Variants in SERPINB8 observed in about 807,000 individuals in gnomAD.
SERPINB8 encodes the protein serpin B8.
Under a neutral mutation model 35.3 loss-of-function variants are expected in SERPINB8, and 25 were observed. That is an observed-to-expected ratio of 0.71 (90% confidence interval 0.52 to 0.99). SERPINB8 has a LOEUF of 0.99. SERPINB8 is among the 50% of genes least tolerant of loss of function. The pLI, the probability that SERPINB8 is intolerant of heterozygous loss-of-function variation, is 0.00. For missense variants in SERPINB8, 484 were observed against 446.5 expected, an observed-to-expected ratio of 1.08 and a Z score of -0.76; for synonymous variants, 186 against 160.8, an observed-to-expected ratio of 1.16 and a Z score of -1.19.
At chr18:63,992,171 A>G (rs529015307), downstream of SERPINB8, among the ~76,000 whole-genome samples, 6 of 152,306 alleles carry the variant, frequency 3.9e-5, no homozygotes, top group Middle Eastern at 3.4e-3. Context: ...AAACATACCT[A>G]CCTTTGCAAT....
At chr18:63,976,117 T>C (rs2050577868) in intron 1 of SERPINB8, among the ~76,000 whole-genome samples, 1 of 152,260 alleles carries the variant, frequency 6.6e-6, no homozygotes, top group Admixed American at 6.5e-5. Flanking sequence ...TGACTACATT[T>C]TTCAGTTAAA....
downstream of SERPINB8, among the ~76,000 whole-genome samples, chr18:63,991,001 T>C (rs1193971105): frequency 6.6e-6 from 1 of 152,250 alleles, no homozygotes; most frequent in Non-Finnish European, 1.5e-5. Context: ...TGAATTGCCT[T>C]TGCATCTTTG....
At chr18:64,015,926 G>T (rs755070332) in intron 7 of SERPINB8, among the ~76,000 whole-genome samples, 11 of 152,220 alleles carry the variant, frequency 7.2e-5, no homozygotes, top group Non-Finnish European at 1.0e-4. Flanking sequence ...CTAATAAAAA[G>T]AGTGACATTC....
In SERPINB8 at chr18:63,986,868, T is replaced by A; in HGVS notation, c.721-6T>A. ...AATTTTAAGGTTTGAGTCTTTCTTA[T>A]CCTAGGTGGAAAAAGCACTTACATA... On this transcript the variant is annotated splice_region_variant and splice_polypyrimidine_tract_variant and intron_variant, in intron 6 of 6. Transcript: ENST00000397985. 1 of 1,599,920 alleles carries A rather than the reference T, an allele frequency of 6.3e-7. No homozygotes were observed. Among genetic ancestry groups the A allele is most frequent in the Non-Finnish European group, 8.5e-7 (1 of 1,174,446 alleles).
chr18:63,990,306 C>T (rs2050818091), downstream of SERPINB8, among the ~76,000 whole-genome samples: 1 of 151,976 alleles, frequency 6.6e-6, no homozygotes, highest in Admixed American at 6.6e-5. Flanking sequence ...GAACTCCTGA[C>T]CTCAGGTCAT....
In SERPINB8 at chr18:63,998,666, A is replaced by G. The variant is rs373888219; in HGVS notation, c.71-6153A>G. On this transcript the variant is annotated intron_variant, in intron 1 of 1. Coordinates refer to the SERPINB8 transcript ENST00000493661. Reference sequence around the variant, plus strand: ...TAAAATTATTGGCAAATCAGTTTCCATGGTGGATCATGCAAGTTCCCTCCA... The same window carrying G: ...TAAAATTATTGGCAAATCAGTTTCCGTGGTGGATCATGCAAGTTCCCTCCA... Among the ~76,000 whole-genome samples the G allele has an allele frequency of 2.3e-4, 35 of 152,272 alleles. 3 individuals are homozygous for G. In the South Asian group the frequency reaches 7.0e-3, roughly 31 times the overall value.
chr18:64,002,379 C>G (rs1319438890), intron 1 of SERPINB8, among the ~76,000 whole-genome samples: 1 of 152,118 alleles, frequency 6.6e-6, no homozygotes, highest in Non-Finnish European at 1.5e-5. Flanking sequence ...AAGGCTCCTC[C>G]CTACTCTGAA....
Position 63,978,218 on chromosome 18 carries a change from C to A in SERPINB8, c.-10-81C>A. 2.0e-6 allele frequency: 3 copies of A among 1,481,176 alleles called. No homozygotes were observed. In the South Asian group the frequency reaches 3.4e-5, roughly 17 times the overall value. 91.8% of individuals were successfully genotyped at this position (1,481,176 alleles called of 1,614,324 possible). ...GTTCTTCCACCTACCACCTCAGCGTCCACTGACTGGGGGATGAATGACTGC... is the reference window on the plus strand; with the variant it reads ...GTTCTTCCACCTACCACCTCAGCGTACACTGACTGGGGGATGAATGACTGC... On this transcript the variant is annotated intron_variant, in intron 1 of 6. Transcript: ENST00000397985.
chr18:63,986,218 G>C (rs568306666), intron 6 of SERPINB8: 5 of 1,595,354 alleles, frequency 3.1e-6, no homozygotes, highest in South Asian at 1.1e-5. Context: ...CTAGTGGAAG[G>C]CCTTTCTCCC....
chr18:63,986,755 T>A, intron 6 of SERPINB8, 119 bp from the exon 7 acceptor site: 1 of 1,399,232 alleles, frequency 7.1e-7, no homozygotes, highest in Non-Finnish European at 9.5e-7. Flanking sequence ...ATCTGTAGAT[T>A]TTCTTGGACC....
At chr18:64,006,031 G>A (rs2050898375), downstream of SERPINB8, among the ~76,000 whole-genome samples, 1 of 152,174 alleles carries the variant, frequency 6.6e-6, no homozygotes, top group Admixed American at 6.5e-5. Flanking sequence ...CCTTAGGAAA[G>A]AGTCCTGCAT....
intron 4 of SERPINB8, among the ~76,000 whole-genome samples, chr18:63,982,744 C>A (rs1568274320): frequency 6.6e-6 from 1 of 152,204 alleles, no homozygotes; most frequent in African/African-American, 2.4e-5. Context: ...CTTCCCCCCA[C>A]TGCCCTATAC....
At chr18:64,017,481 A>G (rs1373447570) in intron 7 of SERPINB8, among the ~76,000 whole-genome samples, 1 of 152,178 alleles carries the variant, frequency 6.6e-6, no homozygotes, top group Non-Finnish European at 1.5e-5. Flanking sequence ...ATGATGATGA[A>G]GTTAACAAAA....
intron 1 of SERPINB8, 33 bp from the exon 2 acceptor site, chr18:63,978,264 CTT>C: frequency 6.2e-7 from 1 of 1,612,690 alleles, no homozygotes; most frequent in South Asian, 1.1e-5. Context: ...GAGTCATTGG[CTT>C]ATGTGCTTTT....
chr18:63,978,508 AGT>A (rs1180504253), intron 2 of SERPINB8, 32 bp downstream of exon 2: 15 of 1,610,576 alleles, frequency 9.3e-6, no homozygotes, highest in Non-Finnish European at 1.2e-5. Context: ...GAAGGAGAAC[AGT>A]GTGTTTCCCT....
At chr18:64,008,796 C>A (rs1482077029), downstream of SERPINB8, among the ~76,000 whole-genome samples, 1 of 152,038 alleles carries the variant, frequency 6.6e-6, no homozygotes, top group Non-Finnish European at 1.5e-5. Flanking sequence ...TACACTAGAG[C>A]CTAAACACTG....
intron 1 of SERPINB8, chr18:63,970,424 C>G (rs2050448267): frequency 1.2e-5 from 2 of 162,082 alleles, no homozygotes; most frequent in African/African-American, 4.8e-5. Context: ...CGGCGAAGGC[C>G]GAGGGCCGGG....
At chr18:63,974,110 G>A (rs28369371) in intron 1 of SERPINB8, among the ~76,000 whole-genome samples, 42,264 of 152,106 alleles carry the variant, frequency 0.28, 7,330 homozygotes, top group African/African-American at 0.5. Flanking sequence ...TCTCTGGAAA[G>A]TCTTTCCAGG....
chr18:63,984,874 CA>C (rs1047290170), intron 5 of SERPINB8, among the ~76,000 whole-genome samples: 1 of 105,428 alleles, frequency 9.5e-6, no homozygotes, highest in Non-Finnish European at 1.9e-5. Flanking sequence ...CTCCATTTAC[CA>C]AACTGTTTTT....
Sources: allele counts gnomAD v4.1 joint callset (sites outside exome capture counted in the v4.1 genomes callset), GRCh38; gene constraint gnomAD v4.1.1; transcripts MANE v1.5; gene names NCBI Gene and HGNC (gene_info 2026-07-23, HGNC 2026-07-21).